The following CDYL variants were observed in gnomAD, a reference collection of about 807,000 sequenced individuals.
CDYL encodes the protein chromodomain Y like, also known as chromodomain Y-like protein.
A neutral mutation model predicts 47.3 loss-of-function variants in CDYL; 8 were observed. That is an observed-to-expected ratio of 0.17 (90% CI 0.10 to 0.31). The LOEUF is 0.31. CDYL is among the 10% of genes least tolerant of loss of function. The probability of loss-of-function intolerance (pLI) is 1.00; values close to 1 mark genes in which losing one functional copy is unlikely to be tolerated. For missense variants in CDYL, 471 were observed against 701.4 expected (o/e 0.67, Z 3.71); for synonymous variants, 266 against 265.0 (o/e 1.00, Z -0.04).
chr6:4,911,086 A>G (rs1291443098), intron 2 of CDYL, among the ~76,000 whole-genome samples: 1 of 152,198 alleles, frequency 6.6e-6, no homozygotes, highest in Non-Finnish European at 1.5e-5. Context: ...TTGGCCTCCC[A>G]AAGTGCTGGG....
At chr6:4,913,165 G>A (rs1757460926) in intron 2 of CDYL, among the ~76,000 whole-genome samples, 2 of 152,174 alleles carry the variant, frequency 1.3e-5, no homozygotes, top group East Asian at 1.9e-4. Flanking sequence ...AGACCTTATT[G>A]TGTCTTCAGA....
intron 1 of CDYL, among the ~76,000 whole-genome samples, chr6:4,883,151 G>A (rs1004004901): frequency 6.6e-6 from 1 of 152,148 alleles, no homozygotes; most frequent in East Asian, 1.9e-4. Context: ...AATAGCTCCC[G>A]AAATAGGAAA....
At chr6:4,821,184 G>T (rs1043408029) in intron 1 of CDYL, among the ~76,000 whole-genome samples, 1 of 147,226 alleles carries the variant, frequency 6.8e-6, no homozygotes, top group Non-Finnish European at 1.5e-5. Context: ...AATCTTAGGA[G>T]AACAGCTCTC....
chr6:4,760,437 T>C (rs1758157270), intron 3 of CDYL, among the ~76,000 whole-genome samples: 1 of 151,938 alleles, frequency 6.6e-6, no homozygotes, highest in Non-Finnish European at 1.5e-5. Flanking sequence ...ATGTTGATGC[T>C]GCTTTCAGAG....
chr6:4,887,220 C>T (rs1091274), intron 1 of CDYL, among the ~76,000 whole-genome samples: 3,415 of 152,198 alleles, frequency 0.022, 129 homozygotes, highest in African/African-American at 0.078. Context: ...ATTAGCATGC[C>T]AGTTTCTACA....
chr6:4,898,603 C>T (rs2127491893), intron 2 of CDYL, among the ~76,000 whole-genome samples: 1 of 152,268 alleles, frequency 6.6e-6, no homozygotes, highest in Non-Finnish European at 1.5e-5. Flanking sequence ...TAATAGGTAT[C>T]CTCAGGCAGA....
chr6:4,943,343 GGGCTCCA>G (rs1364721911), intron 4 of CDYL, among the ~76,000 whole-genome samples, 196 bp from the exon 5 acceptor site: 19 of 152,110 alleles, frequency 1.2e-4, no homozygotes, highest in Admixed American at 1.1e-3. Flanking sequence ...CTACATGCGT[GGGCTCCA>G]GGCTGTCACC....
intron 1 of CDYL, among the ~76,000 whole-genome samples, chr6:4,817,638 T>C (rs1759711147): frequency 6.6e-6 from 1 of 152,224 alleles, no homozygotes; most frequent in African/African-American, 2.4e-5. Flanking sequence ...CTGGACTTTA[T>C]TCTGCCCAGT....
At chr6:4,749,143 A>T (rs1207809369) in intron 3 of CDYL, among the ~76,000 whole-genome samples, 1 of 152,240 alleles carries the variant, frequency 6.6e-6, no homozygotes, top group East Asian at 1.9e-4. Context: ...GGGGGGAAAA[A>T]GTCTGTTTTT....
intron 2 of CDYL, among the ~76,000 whole-genome samples, chr6:4,894,254 C>T (rs535369617): frequency 2.8e-4 from 43 of 152,238 alleles, no homozygotes; most frequent in Admixed American, 2.2e-3. Context: ...GCCTCCCTGG[C>T]GTTCTTCCCA....
rs926630135 is a variant in CDYL at position 4,885,490 on chromosome 6, G to A, written c.25-6223G>A. Among the ~76,000 whole-genome samples, 37 of 152,100 alleles carry A rather than the reference G, an allele frequency of 2.4e-4. 1 individual carries two copies. The highest frequency in any genetic ancestry group is 8.5e-4 in the African/African-American group (35 of 41,410). On this transcript the variant is annotated intron_variant, in intron 1 of 6. Transcript: ENST00000397588. ...GTGCATATAGGGCTGGGTTTTATCCGAGGTTTCAGGCATTGGCAGGGGGTC... is the reference window on the plus strand; with the variant it reads ...GTGCATATAGGGCTGGGTTTTATCCAAGGTTTCAGGCATTGGCAGGGGGTC...
At chr6:4,861,083 C>T (rs984558879) in intron 1 of CDYL, among the ~76,000 whole-genome samples, 7 of 152,156 alleles carry the variant, frequency 4.6e-5, no homozygotes, top group East Asian at 1.9e-4. Flanking sequence ...AGTTCATTAA[C>T]GGCAGTTACT....
intron 1 of CDYL, among the ~76,000 whole-genome samples, chr6:4,830,575 G>T (rs527666821): frequency 2.0e-5 from 3 of 151,688 alleles, no homozygotes; most frequent in South Asian, 2.1e-4. Flanking sequence ...TAAGGCTTAG[G>T]TTTCTTTTAT....
intron 2 of CDYL, among the ~76,000 whole-genome samples, chr6:4,906,803 G>C (rs1243859911): frequency 3.3e-5 from 5 of 150,114 alleles, no homozygotes; most frequent in Non-Finnish European, 7.4e-5. Context: ...GTTTTATCTG[G>C]GGGAGAAGGA....
chr6:4,709,684 C>A (rs1319605371), intron 1 of CDYL, among the ~76,000 whole-genome samples: 1 of 152,120 alleles, frequency 6.6e-6, no homozygotes, highest in African/African-American at 2.4e-5. Flanking sequence ...ATCTTTACAC[C>A]TTTTTAAAAA....
intron 1 of CDYL, among the ~76,000 whole-genome samples, chr6:4,821,483 C>T (rs577673576): frequency 1.5e-3 from 229 of 151,998 alleles, no homozygotes; most frequent in African/African-American, 5.2e-3. Context: ...CCTGTAATCC[C>T]GGCACTTTGG....
intron 4 of CDYL, among the ~76,000 whole-genome samples, chr6:4,939,061 C>T (rs1337022522): frequency 6.6e-6 from 1 of 152,142 alleles, no homozygotes; most frequent in East Asian, 1.9e-4. Context: ...TTTGTGCTTG[C>T]CTTTTTAACT....
chr6:4,910,856 C>T (rs1430445457), intron 2 of CDYL, among the ~76,000 whole-genome samples: 7 of 151,150 alleles, frequency 4.6e-5, no homozygotes, highest in Middle Eastern at 6.8e-3. Flanking sequence ...TTCCCCAAGA[C>T]GGAGTCTCTC....
Position 4,954,376 on chromosome 6 carries a change from A to C in CDYL, c.*320A>C, listed in dbSNP as rs1399120380. 1.7e-5 allele frequency: 3 copies of C among 173,898 alleles called. No homozygotes were observed. The highest frequency in any genetic ancestry group is 2.4e-5 in the Non-Finnish European group (2 of 82,668). 10.8% of individuals were successfully genotyped at this position (173,898 alleles called of 1,614,324 possible). A position where few individuals can be genotyped will look rare whatever the true frequency, so the allele number is the denominator to read the frequency against. ...GTTTTCTTTGGCTAGTACTGTATAA[A>C]AAACAGAATTGTGTTTTATTGGTTT... On this transcript the variant is annotated 3_prime_UTR_variant, in exon 7 of 7. Coordinates refer to ENST00000397588, the MANE Select transcript of CDYL (RefSeq NM_004824.4).
Sources: gnomAD v4.1 joint callset for allele counts (sites outside exome capture counted in the v4.1 genomes callset) on GRCh38, gnomAD v4.1.1 for gene constraint, MANE v1.5 for transcripts, NCBI Gene and HGNC (gene_info 2026-07-23, HGNC 2026-07-21) for gene names.